Variants in PPP4R3B observed in about 807,000 individuals in gnomAD.
The protein encoded by PPP4R3B is protein phosphatase 4 regulatory subunit 3B, also known as serine/threonine-protein phosphatase 4 regulatory subunit 3B.
In PPP4R3B, 52 loss-of-function variants were observed where a neutral mutation model predicts 95.4. The observed-to-expected ratio is 0.54, with a 90% CI of 0.44 to 0.69. The LOEUF is 0.69. Ranked by LOEUF, PPP4R3B falls within the 30% of genes least tolerant of loss-of-function variation. The pLI is 0.00. For missense variants in PPP4R3B, 1,003 were observed against 1,005.9 expected (o/e 1.00, Z 0.04); for synonymous variants, 407 against 343.9 (o/e 1.18, Z -2.03).
At chr2:55,582,078 G>A (rs1437764923) in intron 7 of PPP4R3B, among the ~76,000 whole-genome samples, 1 of 152,022 alleles carries the variant, frequency 6.6e-6, no homozygotes, top group Admixed American at 6.6e-5. Context: ...AAACAAGCAA[G>A]ATCACATGAC....
intron 13 of PPP4R3B, 124 bp from the exon 14 acceptor site, chr2:55,565,165 T>G: frequency 1.5e-6 from 1 of 688,498 alleles, no homozygotes; most frequent in Non-Finnish European, 2.3e-6. Flanking sequence ...CCTTCCAAAA[T>G]GTAATGTCCT....
At chr2:55,571,786 T>C (rs1688033932) in intron 12 of PPP4R3B, among the ~76,000 whole-genome samples, 1 of 152,142 alleles carries the variant, frequency 6.6e-6, no homozygotes, top group African/African-American at 2.4e-5. Context: ...CCACCATGCC[T>C]GGCTAATTTT....
intron 2 of PPP4R3B, chr2:55,615,020 G>T (rs1258306323): frequency 6.5e-6 from 1 of 154,326 alleles, no homozygotes; most frequent in African/African-American, 2.4e-5. Flanking sequence ...TAAAGAGCAG[G>T]ATTTAATGCT....
Position 55,573,620 on chromosome 2 carries a change from C to T in PPP4R3B, c.1764G>A (p.Leu588=). The T allele has an allele frequency of 6.5e-7, 1 of 1,531,602 alleles. No individual in the cohort carries two copies. The highest frequency in any genetic ancestry group is 8.8e-7 in the Non-Finnish European group (1 of 1,141,790). The allele number at this position is 1,531,602 out of a possible 1,614,324, so 94.9% of individuals were successfully genotyped here. A position where few individuals can be genotyped will look rare whatever the true frequency, so the allele number is the denominator to read the frequency against. Residue 588 remains leucine (L), a splice_region_variant and synonymous_variant, in exon 12 of 17, where the codon TTG becomes TTA. Coordinates refer to ENST00000616407, the MANE Select transcript of PPP4R3B (RefSeq NM_001122964.3). ...CTCCTTAAAACATTTTATACTTACA[C>T]AAGGCCAGAAAAGTGTGCTTTGAAT... ...LMNSKHTFLA[L]CALRFMRRII...
At chr2:55,603,330 C>G (rs1222295638) in intron 3 of PPP4R3B, among the ~76,000 whole-genome samples, 1 of 152,104 alleles carries the variant, frequency 6.6e-6, no homozygotes, top group Non-Finnish European at 1.5e-5. Context: ...TAGGATGGGA[C>G]AAGGTATAAT....
intron 15 of PPP4R3B, among the ~76,000 whole-genome samples, chr2:55,561,894 G>T (rs1000218652): frequency 6.6e-6 from 1 of 152,148 alleles, no homozygotes; most frequent in African/African-American, 2.4e-5. Flanking sequence ...GTTAATGCTG[G>T]AATGAGTTAT....
At chr2:55,607,265 T>TTCA (rs1693548644) in intron 2 of PPP4R3B, among the ~76,000 whole-genome samples, 1 of 152,198 alleles carries the variant, frequency 6.6e-6, no homozygotes, top group Non-Finnish European at 1.5e-5. Flanking sequence ...TGTTCTCCAA[T>TTCA]TCACCTTCGA....
chr2:55,561,622 T>C (rs535372969), intron 15 of PPP4R3B, among the ~76,000 whole-genome samples: 183 of 152,374 alleles, frequency 1.2e-3, no homozygotes, highest in African/African-American at 4.2e-3. Context: ...TGTATCAGCA[T>C]GCCCTGGATG....
chr2:55,578,457 A>G (rs1281571948), intron 9 of PPP4R3B, 115 bp from the exon 10 acceptor site: 2 of 1,031,378 alleles, frequency 1.9e-6, no homozygotes, highest in Non-Finnish European at 2.5e-6. Context: ...TAAAATGAAC[A>G]TAAAAAATGC....
intron 1 of PPP4R3B, chr2:55,616,450 C>T (rs1559069669): frequency 6.6e-6 from 1 of 152,216 alleles, no homozygotes; most frequent in African/African-American, 2.4e-5. Context: ...TTAATTACGG[C>T]TCTACATTTT....
At chr2:55,614,831 A>G (rs1370203148) in intron 2 of PPP4R3B, 1 of 152,234 alleles carries the variant, frequency 6.6e-6, no homozygotes, top group Non-Finnish European at 1.5e-5. Flanking sequence ...AAACAAAAAC[A>G]TTCACAGAAT....
At position 55,547,338 on chromosome 2, in the gene PPP4R3B, CAT is replaced by C. The variant is rs1294360176; in HGVS notation, c.*2571_*2572del. On this transcript the variant is annotated 3_prime_UTR_variant, in exon 17 of 17. Coordinates refer to ENST00000616407, the MANE Select transcript of PPP4R3B (RefSeq NM_001122964.3). Reference sequence around the variant, plus strand: ...TTAAAAATAGTTTTTATATTGGACACATGTTTACAGATACCATTTTAAGAAGA... The same window carrying C: ...TTAAAAATAGTTTTTATATTGGACACGTTTACAGATACCATTTTAAGAAGA... The C allele has an allele frequency of 7.9e-5, 12 of 152,242 alleles. No individual in the cohort carries two copies. The highest frequency in any genetic ancestry group is 4.1e-4 in the South Asian group (2 of 4,828). 9.4% of individuals were successfully genotyped at this position (152,242 alleles called of 1,614,324 possible).
chr2:55,561,333 G>T (rs1487455595), intron 15 of PPP4R3B, among the ~76,000 whole-genome samples: 1 of 152,194 alleles, frequency 6.6e-6, no homozygotes, highest in Non-Finnish European at 1.5e-5. Context: ...TCTGCTGCAG[G>T]GGCAGAGCTC....
intron 16 of PPP4R3B, among the ~76,000 whole-genome samples, chr2:55,556,364 C>T (rs1685846962): frequency 6.6e-6 from 1 of 152,008 alleles, no homozygotes; most frequent in Non-Finnish European, 1.5e-5. Context: ...TAATTTTGCT[C>T]ATTCATAAGT....
intron 16 of PPP4R3B, among the ~76,000 whole-genome samples, chr2:55,555,659 G>A (rs1483885614): frequency 6.6e-6 from 1 of 152,212 alleles, no homozygotes; most frequent in African/African-American, 2.4e-5. Flanking sequence ...AATGATATAT[G>A]CAAGTGGTCA....
intron 15 of PPP4R3B, among the ~76,000 whole-genome samples, chr2:55,560,812 G>C (rs559603279): frequency 8.6e-6 from 1 of 116,040 alleles, no homozygotes; most frequent in Non-Finnish European, 1.8e-5. Flanking sequence ...AAAAAAAAAA[G>C]AGGCCTTCTG....
At chr2:55,585,561 G>C (rs1690026570) in intron 6 of PPP4R3B, among the ~76,000 whole-genome samples, 1 of 152,116 alleles carries the variant, frequency 6.6e-6, no homozygotes, top group Admixed American at 6.5e-5. Context: ...CTTTTGTCCT[G>C]ATTTTGCAAG....
Position 55,598,849 on chromosome 2 carries a change from G to A in PPP4R3B, c.488C>T (p.Ala163Val). Reference protein sequence around the residue: ...LSSPIRREKLALALENEGYIK... With the variant: ...LSSPIRREKLVLALENEGYIK... ...ATAGCCTTCATTTTCCAAGGCGAGA[G>A]CCAGCTTTTCCCTACGGATAGGTGA... is the stretch of plus-strand genomic sequence containing the variant. The change falls in exon 4 of 17, where the codon GCT becomes GTT. Residue 163 changes from alanine to valine, a missense_variant. Physicochemically the swap from Ala to Val is moderately conservative, Grantham distance 64 (BLOSUM62 0). This residue lies in a region of PPP4R3B where 695 missense variants were observed against 686.2 expected (regional missense o/e 1.01). Coordinates refer to ENST00000616407, the MANE Select transcript of PPP4R3B (RefSeq NM_001122964.3). 6.2e-7 allele frequency: 1 copy of A among 1,614,208 alleles called. No individual in the cohort carries two copies. Among genetic ancestry groups the A allele is most frequent in the Middle Eastern group, 1.6e-4 (1 of 6,062 alleles).
At chr2:55,558,524 C>T (rs181269792) in intron 16 of PPP4R3B, among the ~76,000 whole-genome samples, 51 of 152,190 alleles carry the variant, frequency 3.4e-4, no homozygotes, top group African/African-American at 1.2e-3. Flanking sequence ...AGGAGAACTG[C>T]TTGAACCCGG....
Sources: allele counts gnomAD v4.1 joint callset (sites outside exome capture counted in the v4.1 genomes callset), GRCh38; gene constraint gnomAD v4.1.1; regional missense constraint gnomAD v4.1.1; transcripts MANE v1.5; gene names NCBI Gene and HGNC (gene_info 2026-07-23, HGNC 2026-07-21).